Variants in MYRIP observed in about 807,000 individuals in gnomAD.
MYRIP encodes the protein myosin VIIA and Rab interacting protein.
MYRIP carries 49 observed loss-of-function variants against 98.0 expected under a neutral mutation model. The observed-to-expected ratio is 0.50, with a 90% confidence interval of 0.40 to 0.63. The LOEUF is 0.63. Ranked by LOEUF, MYRIP falls within the 30% of genes least tolerant of loss-of-function variation. The pLI, the probability that MYRIP is intolerant of heterozygous loss-of-function variation, is 0.00. For missense variants in MYRIP, 1,004 were observed against 1,058.2 expected, an observed-to-expected ratio of 0.95 and a Z score of 0.71; for synonymous variants, 404 against 409.5, an observed-to-expected ratio of 0.99 and a Z score of 0.16.
In MYRIP at chr3:40,258,322, T is replaced by A; in HGVS notation, c.*156T>A. 1 of 790,936 alleles carries A rather than the reference T, an allele frequency of 1.3e-6. No homozygotes were observed. The highest frequency in any genetic ancestry group is 2.1e-6 in the Non-Finnish European group (1 of 478,902). 49.0% of individuals were successfully genotyped at this position (790,936 alleles called of 1,614,324 possible). ...TGCACAGGGCTGTCCTGATACCTCA[T>A]CCAGAAAGCCGTCTCAGACTTCAGC... On this transcript the variant is annotated 3_prime_UTR_variant, in exon 17 of 17. Transcript: ENST00000302541.
chr3:40,022,812 T>A (rs754408734), intron 2 of MYRIP, among the ~76,000 whole-genome samples: 1 of 152,180 alleles, frequency 6.6e-6, no homozygotes, highest in Non-Finnish European at 1.5e-5. Context: ...ATAGAAGTTA[T>A]GCTCTTTAGG....
intron 1 of MYRIP, among the ~76,000 whole-genome samples, chr3:39,856,532 G>A (rs768331502): frequency 6.6e-5 from 10 of 152,124 alleles, no homozygotes; most frequent in Non-Finnish European, 1.5e-4. Flanking sequence ...CTGGCCAGGG[G>A]CAATTATACA....
At chr3:39,826,191 T>C (rs1941260926) in intron 1 of MYRIP, among the ~76,000 whole-genome samples, 1 of 152,052 alleles carries the variant, frequency 6.6e-6, no homozygotes, top group African/African-American at 2.4e-5. Context: ...TTATTATTTT[T>C]TCTTTCTACT....
intron 2 of MYRIP, among the ~76,000 whole-genome samples, chr3:39,918,165 C>T (rs1448475885): frequency 3.9e-5 from 6 of 152,302 alleles, no homozygotes; most frequent in Middle Eastern, 3.4e-3. Context: ...CCACCCGCCT[C>T]GGCCTCCCAG....
At chr3:39,894,087 T>A (rs1382058793) in intron 1 of MYRIP, among the ~76,000 whole-genome samples, 2 of 152,216 alleles carry the variant, frequency 1.3e-5, no homozygotes, top group African/African-American at 4.8e-5. Flanking sequence ...GTTGGTAATT[T>A]TTTTGTGATT....
chr3:40,020,726 A>G (rs1007865919), intron 2 of MYRIP, among the ~76,000 whole-genome samples: 3 of 152,242 alleles, frequency 2.0e-5, no homozygotes, highest in African/African-American at 7.2e-5. Context: ...TAAGGCATAT[A>G]ATCACTTTTC....
chr3:40,030,908 C>G (rs1265675510), intron 2 of MYRIP, among the ~76,000 whole-genome samples: 1 of 151,972 alleles, frequency 6.6e-6, no homozygotes, highest in Non-Finnish European at 1.5e-5. Context: ...GGTTGCACAA[C>G]TTTTTGAATA....
chr3:39,959,894 G>C (rs1945278393), intron 2 of MYRIP, among the ~76,000 whole-genome samples: 1 of 152,094 alleles, frequency 6.6e-6, no homozygotes. Context: ...TGGTGTTCGT[G>C]ATTCCTTATC....
rs374599902 is a variant in MYRIP, at chr3:40,044,164, C to T, written c.225C>T (p.Val75=). ...GCTGCTCGCCCTTCACCTTCCTCGT[C>T]AACACCAAGCGCCAGTGTGGAGATT... ...MRCCSPFTFL[V]NTKRQCGDCK... is the part of the protein sequence containing the mutation. The change falls in exon 3 of 17, where the codon GTC becomes GTT. Residue 75 remains valine, a synonymous_variant. Coordinates refer to ENST00000302541, the MANE Select transcript of MYRIP (RefSeq NM_015460.4). 14 of 1,614,052 alleles carry T rather than the reference C, an allele frequency of 8.7e-6. No homozygotes were observed. Among genetic ancestry groups the T allele is most frequent in the South Asian group, 2.2e-5 (2 of 91,062 alleles).
chr3:40,013,012 G>C, intron 2 of MYRIP, among the ~76,000 whole-genome samples: 1 of 152,096 alleles, frequency 6.6e-6, no homozygotes, highest in South Asian at 2.1e-4. Flanking sequence ...GGAGTGTCTG[G>C]TCTGCACTTA....
At chr3:39,816,516 T>C (rs962398640) in intron 1 of MYRIP, among the ~76,000 whole-genome samples, 2 of 152,198 alleles carry the variant, frequency 1.3e-5, no homozygotes, top group Non-Finnish European at 2.9e-5. Flanking sequence ...TTACAAAGGC[T>C]AATAAATATG....
At chr3:39,836,606 G>A (rs1056744364) in intron 1 of MYRIP, among the ~76,000 whole-genome samples, 4 of 152,074 alleles carry the variant, frequency 2.6e-5, no homozygotes, top group African/African-American at 4.8e-5. Context: ...CCCCTGACCC[G>A]GCGACAGATG....
chr3:39,861,725 C>T (rs1415344929), intron 1 of MYRIP, among the ~76,000 whole-genome samples: 1 of 151,894 alleles, frequency 6.6e-6, no homozygotes, highest in East Asian at 1.9e-4. Flanking sequence ...GCAGAATCAA[C>T]CAAGCTGAAG....
intron 2 of MYRIP, among the ~76,000 whole-genome samples, chr3:39,923,029 A>G (rs1005915945): frequency 6.6e-6 from 1 of 152,226 alleles, no homozygotes; most frequent in African/African-American, 2.4e-5. Flanking sequence ...TAAAGGATAT[A>G]AAGAAGAACC....
intron 1 of MYRIP, among the ~76,000 whole-genome samples, chr3:39,846,425 G>T (rs1314528194): frequency 6.6e-6 from 1 of 151,704 alleles, no homozygotes; most frequent in Non-Finnish European, 1.5e-5. Context: ...GGGCTGTGAA[G>T]GTTGATCATC....
chr3:39,992,353 A>G (rs568532316), intron 2 of MYRIP, among the ~76,000 whole-genome samples: 6 of 152,262 alleles, frequency 3.9e-5, no homozygotes, highest in East Asian at 1.9e-4. Context: ...GCTCACTGTC[A>G]TCATTAGCAG....
At chr3:39,911,200 G>T (rs1200818467) in intron 2 of MYRIP, among the ~76,000 whole-genome samples, 1 of 152,084 alleles carries the variant, frequency 6.6e-6, no homozygotes, top group Non-Finnish European at 1.5e-5. Context: ...TCACATCTTT[G>T]GCGCCGTAAA....
chr3:39,976,767 A>G lies in MYRIP; in HGVS notation c.111-67283A>G, dbSNP rs142474997. On this transcript the variant is annotated intron_variant, in intron 2 of 16. Coordinates refer to ENST00000302541, the MANE Select transcript of MYRIP (RefSeq NM_015460.4). Reference sequence around the variant, plus strand: ...TGTAGGGACATGGATGAAGCTGGAAACCATCATTCTTAGCAAACTATCACA... The same window carrying G: ...TGTAGGGACATGGATGAAGCTGGAAGCCATCATTCTTAGCAAACTATCACA... Among the ~76,000 whole-genome samples, 467 of 152,294 alleles carry G rather than the reference A, an allele frequency of 3.1e-3. 1 individual carries two copies. The highest frequency in any genetic ancestry group is 6.8e-3 in the Middle Eastern group (2 of 294).
chr3:40,108,214 G>A (rs906174177), intron 3 of MYRIP, among the ~76,000 whole-genome samples: 66 of 120,808 alleles, frequency 5.5e-4, no homozygotes, highest in African/African-American at 2.0e-3. Context: ...AGAGAGAGAG[G>A]GTGAGTCGAA....
Sources: gnomAD v4.1 joint callset for allele counts (sites outside exome capture counted in the v4.1 genomes callset) on GRCh38, gnomAD v4.1.1 for gene constraint, MANE v1.5 for transcripts, NCBI Gene and HGNC (gene_info 2026-07-23, HGNC 2026-07-21) for gene names.